EXOC6B: variants seen among roughly 807,000 people sequenced by gnomAD.
EXOC6B encodes SEC15 homolog B.
Under a neutral mutation model 113.5 loss-of-function variants are expected in EXOC6B, and 54 were observed. The ratio of observed to expected loss-of-function variants is 0.48; its 90% CI spans 0.38 to 0.60. The LOEUF is 0.60. Ranked by LOEUF, EXOC6B falls within the 20% of genes least tolerant of loss-of-function variation. EXOC6B has a pLI of 0.00. For missense variants in EXOC6B, 797 were observed against 977.5 expected, an observed-to-expected ratio of 0.82 and a Z score of 2.46; for synonymous variants, 357 against 339.0, an observed-to-expected ratio of 1.05 and a Z score of -0.58.
chr2:72,273,443 G>A (rs556824174), intron 20 of EXOC6B, among the ~76,000 whole-genome samples: 45 of 152,026 alleles, frequency 3.0e-4, no homozygotes, highest in Non-Finnish European at 3.8e-4. Flanking sequence ...GAGACATACA[G>A]GCAAATAAAC....
intron 6 of EXOC6B, among the ~76,000 whole-genome samples, chr2:72,670,264 T>C (rs1675698637): frequency 6.6e-6 from 1 of 152,214 alleles, no homozygotes; most frequent in South Asian, 2.1e-4. Flanking sequence ...TATTTTCATT[T>C]TATTTCCTGT....
intron 1 of EXOC6B, among the ~76,000 whole-genome samples, chr2:72,776,831 A>T (rs1452351090): frequency 6.6e-6 from 1 of 152,172 alleles, no homozygotes; most frequent in Non-Finnish European, 1.5e-5. Context: ...ATAATGACCA[A>T]AAATTTCCTA....
chr2:72,485,989 A>T (rs1699402018), intron 16 of EXOC6B, among the ~76,000 whole-genome samples: 2 of 152,254 alleles, frequency 1.3e-5, no homozygotes, highest in Admixed American at 1.3e-4. Context: ...ATTATAAAGT[A>T]TCAGATGAAA....
At chr2:72,243,967 A>G (rs186252404) in intron 20 of EXOC6B, among the ~76,000 whole-genome samples, 25 of 152,344 alleles carry the variant, frequency 1.6e-4, no homozygotes, top group African/African-American at 5.1e-4. Flanking sequence ...AGAGGCTTCA[A>G]CAGACCATTA....
chr2:72,415,256 TCA>T (rs1694450257), intron 18 of EXOC6B, among the ~76,000 whole-genome samples: 1 of 151,950 alleles, frequency 6.6e-6, no homozygotes, highest in Non-Finnish European at 1.5e-5. Flanking sequence ...CGTCAGTCTC[TCA>T]AATACTTAGC....
chr2:72,392,833 T>C (rs914112566), intron 18 of EXOC6B, among the ~76,000 whole-genome samples: 6 of 152,158 alleles, frequency 3.9e-5, no homozygotes, highest in African/African-American at 1.4e-4. Context: ...GAAAGGACCT[T>C]ATACTTAATC....
At chr2:72,367,008 TGG>T (rs1286826267) in intron 19 of EXOC6B, among the ~76,000 whole-genome samples, 1 of 151,946 alleles carries the variant, frequency 6.6e-6, no homozygotes, top group Non-Finnish European at 1.5e-5. Context: ...AGTAAACACA[TGG>T]GTAATTATGA....
intron 1 of EXOC6B, among the ~76,000 whole-genome samples, chr2:72,743,336 T>C (rs144093985): frequency 3.0e-4 from 46 of 152,300 alleles, no homozygotes; most frequent in African/African-American, 1.0e-3. Context: ...CTTGATTCTT[T>C]ACTGCTGCCT....
At chr2:72,418,692 T>G (rs896269637) in intron 18 of EXOC6B, among the ~76,000 whole-genome samples, 15 of 152,204 alleles carry the variant, frequency 9.9e-5, no homozygotes, top group African/African-American at 3.4e-4. Context: ...TGAACCTGTT[T>G]GTGTCTTTAG....
Position 72,575,675 on chromosome 2 carries a change from T to C in EXOC6B, c.670-7A>G, listed in dbSNP as rs1337315502. ...GGTTTCTTTGCTGCTGGGCCTAGGA[T>C]AGAGAAGAACACACACAAACACACC... On this transcript the variant is annotated splice_polypyrimidine_tract_variant and splice_region_variant and intron_variant, in intron 6 of 21. Coordinates refer to ENST00000272427, the MANE Select transcript of EXOC6B (RefSeq NM_015189.3). 6.3e-7 allele frequency: 1 copy of C among 1,582,272 alleles called. No homozygotes were observed. The highest frequency in any genetic ancestry group is 1.4e-5 in the African/African-American group (1 of 72,674).
intron 2 of EXOC6B, among the ~76,000 whole-genome samples, chr2:72,733,950 G>A (rs1680793491): frequency 6.6e-6 from 1 of 152,084 alleles, no homozygotes; most frequent in East Asian, 1.9e-4. Context: ...ATCAAGAAGT[G>A]TTACTTAGCA....
At chr2:72,333,619 G>A (rs1393290892) in intron 20 of EXOC6B, among the ~76,000 whole-genome samples, 1 of 152,070 alleles carries the variant, frequency 6.6e-6, no homozygotes, top group Non-Finnish European at 1.5e-5. Context: ...ATCTACAGGT[G>A]GAAGGTCTTA....
chr2:72,210,078 G>T (rs1222417988), intron 20 of EXOC6B, among the ~76,000 whole-genome samples: 3 of 152,092 alleles, frequency 2.0e-5, no homozygotes, highest in Admixed American at 6.5e-5. Flanking sequence ...CATGTGTAGG[G>T]TGTGCTGATC....
At chr2:72,780,533 T>A (rs971372805) in intron 1 of EXOC6B, among the ~76,000 whole-genome samples, 1 of 152,338 alleles carries the variant, frequency 6.6e-6, no homozygotes, top group East Asian at 1.9e-4. Flanking sequence ...TATCTAAATC[T>A]TGAAGAGTTG....
At chr2:72,390,551 T>C (rs1410848586) in intron 18 of EXOC6B, among the ~76,000 whole-genome samples, 1 of 152,230 alleles carries the variant, frequency 6.6e-6, no homozygotes, top group Non-Finnish European at 1.5e-5. Flanking sequence ...GGTTGGGCTT[T>C]GTTATTGCAA....
chr2:72,809,895 G>T (rs1184470068), intron 1 of EXOC6B, among the ~76,000 whole-genome samples: 1 of 152,082 alleles, frequency 6.6e-6, no homozygotes, highest in Non-Finnish European at 1.5e-5. Context: ...TAACCAATGA[G>T]ATTTACTCAA....
rs908047817 is a variant in EXOC6B at position 72,224,994 on chromosome 2, G to GTGTATATATATATATATA, written c.2197-40808_2197-40807insTATATATATATATATACA. Among the ~76,000 whole-genome samples, 298 of 137,212 alleles carry GTGTATATATATATATATA rather than the reference G, an allele frequency of 2.2e-3. 12 individuals carry two copies. Among genetic ancestry groups the GTGTATATATATATATATA allele is most frequent in the Non-Finnish European group, 2.5e-3 (154 of 62,214 alleles). 90.0% of individuals were successfully genotyped at this position (137,212 alleles called of 152,430 possible). ...CATCTCTCTCTGTATGTGTGTGTGTGTATATATATATAAATACACATACTT... is the reference window on the plus strand; with the variant it reads ...CATCTCTCTCTGTATGTGTGTGTGTGTGTATATATATATATATATATATATATATAAATACACATACTT... On this transcript the variant is annotated intron_variant, in intron 20 of 21. Transcript: ENST00000272427.
intron 20 of EXOC6B, among the ~76,000 whole-genome samples, chr2:72,207,400 C>CT (rs1300530432): frequency 3.9e-5 from 6 of 152,170 alleles, no homozygotes; most frequent in African/African-American, 1.4e-4. Context: ...GGCAAATCAT[C>CT]TAACCTCTAT....
chr2:72,352,147 G>A (rs2104946013), intron 19 of EXOC6B, among the ~76,000 whole-genome samples: 1 of 152,202 alleles, frequency 6.6e-6, no homozygotes, highest in East Asian at 1.9e-4. Context: ...TTCTAAAAGG[G>A]ATTAGCTGAG....
Sources: allele counts gnomAD v4.1 joint callset (sites outside exome capture counted in the v4.1 genomes callset), GRCh38; gene constraint gnomAD v4.1.1; transcripts MANE v1.5; gene names NCBI Gene and HGNC (gene_info 2026-07-23, HGNC 2026-07-21).